Variants in C4orf33 observed in about 807,000 individuals in gnomAD.
C4orf33 encodes the protein chromosome 4 open reading frame 33, also known as UPF0462 protein C4orf33.
In C4orf33, 20 loss-of-function variants were observed where a neutral mutation model predicts 24.3. The ratio of observed to expected loss-of-function variants is 0.82; its 90% confidence interval spans 0.58 to 1.19. The LOEUF is 1.19. C4orf33 is among the 50% of genes most tolerant of loss of function. C4orf33 has a pLI of 0.00. For missense variants in C4orf33, 207 were observed against 225.9 expected, an observed-to-expected ratio of 0.92 and a Z score of 0.54; for synonymous variants, 67 against 76.4, an observed-to-expected ratio of 0.88 and a Z score of 0.64.
rs528943157 is a variant in C4orf33 at position 129,105,063 on chromosome 4, A to G, written c.182-1524A>G. ...ATGTATGTATGTACCTATCTATTTT[A>G]TATATATGGAGAGAAAGAGAGAGAT... On this transcript the variant is annotated intron_variant, in intron 2 of 5. Coordinates refer to ENST00000425929, the MANE Select transcript of C4orf33 (RefSeq NM_001099783.2). Among the ~76,000 whole-genome samples the G allele has an allele frequency of 7.9e-5, 12 of 152,074 alleles. 1 individual carries two copies. In the South Asian group the frequency reaches 2.5e-3, roughly 32 times the overall value.
chr4:129,111,555 A>G (rs1753690813), intron 5 of C4orf33, 131 bp from the exon 6 acceptor site: 1 of 546,838 alleles, frequency 1.8e-6, no homozygotes, highest in Non-Finnish European at 3.3e-6. Flanking sequence ...TATAAAATAT[A>G]TCTTACCTTT....
chr4:129,110,907 C>A (rs1364257494), intron 5 of C4orf33, among the ~76,000 whole-genome samples: 1 of 151,996 alleles, frequency 6.6e-6, no homozygotes, highest in East Asian at 1.9e-4. Flanking sequence ...ACTGACTTAT[C>A]CTGGCCAGGT....
At position 129,102,729 on chromosome 4, in the gene C4orf33, G is replaced by T. The variant is rs35199409; in HGVS notation, c.119G>T (p.Arg40Met). 77,834 of 1,613,834 alleles carry T rather than the reference G, an allele frequency of 0.048. 2,067 individuals are homozygous for T. The highest frequency in any genetic ancestry group is 0.095 in the African/African-American group (7,133 of 75,010). The part of the protein sequence containing the change: ...VMMDISAPFF[R>M]DPPAPLGEPG... ...ATGGACATTAGTGCTCCATTTTTCAGGGATCCTCCAGCCCCACTTGGAGAA... is the reference window on the plus strand; with the variant it reads ...ATGGACATTAGTGCTCCATTTTTCATGGATCCTCCAGCCCCACTTGGAGAA... Residue 40 changes from arginine (R) to methionine (M), a missense_variant, in exon 2 of 6, where the codon AGG (arginine) becomes ATG (methionine). Arg to Met is a moderately conservative substitution (Grantham distance 91). Transcript: ENST00000425929.
At chr4:129,105,973 G>C (rs973371256) in intron 2 of C4orf33, among the ~76,000 whole-genome samples, 2 of 152,116 alleles carry the variant, frequency 1.3e-5, no homozygotes, top group African/African-American at 4.8e-5. Flanking sequence ...TTAATGTCAT[G>C]CACATTTTGG....
chr4:129,110,576 G>T lies in C4orf33; in HGVS notation c.494+904G>T, dbSNP rs76931328. 1.1e-4 allele frequency among the ~76,000 whole-genome samples: 16 copies of T among 152,276 alleles called. No homozygotes were observed. The East Asian group carries it at 1.5e-3, about 15-fold the overall frequency. On this transcript the variant is annotated intron_variant, in intron 5 of 5. Coordinates refer to ENST00000425929, the MANE Select transcript of C4orf33 (RefSeq NM_001099783.2). ...GTCTCGTGAGTCTGGGCATTTGGAA[G>T]AACCTAACAGAAACATCCTAGTGAG...
intron 3 of C4orf33, among the ~76,000 whole-genome samples, chr4:129,108,275 TA>T (rs1187784174): frequency 1.3e-5 from 2 of 152,188 alleles, no homozygotes; most frequent in Admixed American, 1.3e-4. Flanking sequence ...TGTTTTAATA[TA>T]TAGGTTTTTC....
At chr4:129,109,849 C>T in intron 5 of C4orf33, 177 bp downstream of exon 5, 1 of 954,164 alleles carries the variant, frequency 1.0e-6, no homozygotes. Context: ...TTTGGACTGT[C>T]ATAATCTCTC....
At chr4:129,110,637 A>G (rs553664794) in intron 5 of C4orf33, among the ~76,000 whole-genome samples, 1 of 152,238 alleles carries the variant, frequency 6.6e-6, no homozygotes, top group African/African-American at 2.4e-5. Flanking sequence ...CCTGCCTTTT[A>G]ACCTGTGGAA....
chr4:129,109,952 T>C (rs1414170200), intron 5 of C4orf33: 9 of 1,185,640 alleles, frequency 7.6e-6, no homozygotes, highest in African/African-American at 1.6e-5. Context: ...ATAGCTGATA[T>C]AGAAGTATGG....
chr4:129,096,839 A>G (rs556696074), intron 1 of C4orf33, among the ~76,000 whole-genome samples: 2 of 152,196 alleles, frequency 1.3e-5, no homozygotes, highest in Non-Finnish European at 2.9e-5. Context: ...AACGTTCAGC[A>G]TATATAATAT....
chr4:129,106,679 C>T (rs766575993), intron 3 of C4orf33, 32 bp downstream of exon 3: 4 of 1,126,566 alleles, frequency 3.6e-6, no homozygotes, highest in Non-Finnish European at 5.2e-6. Flanking sequence ...TTACTTATTA[C>T]TACATAATTT....
rs560230863 is a variant in C4orf33 at position 129,109,812 on chromosome 4, A to G, written c.494+140A>G. 4.5e-6 allele frequency: 4 copies of G among 889,190 alleles called. No homozygotes were observed. The Admixed American group carries it at 8.7e-5, about 19-fold the overall frequency. 55.1% of individuals were successfully genotyped at this position (889,190 alleles called of 1,614,324 possible). On this transcript the variant is annotated intron_variant, in intron 5 of 5. Transcript: ENST00000425929. The stretch of plus-strand genomic sequence containing the variant: ...ATCTAGTAGAGTCCAATGTTCACTG[A>G]TGGTCCTCAGAAAATACTTGGAAAA...
intron 1 of C4orf33, among the ~76,000 whole-genome samples, chr4:129,100,027 A>G (rs1036108226): frequency 3.3e-5 from 5 of 152,148 alleles, no homozygotes; most frequent in Non-Finnish European, 4.4e-5. Context: ...GCCATGCACT[A>G]TTCCCTACTT....
rs445294 is a variant in C4orf33 at position 129,114,734 on chromosome 4, C to T, written c.*2943C>T. The T allele has an allele frequency of 0.72, 109,533 of 152,060 alleles. 41,414 individuals carry two copies. Among genetic ancestry groups the T allele is most frequent in the South Asian group, 0.89 (4,279 of 4,820 alleles). The allele number at this position is 152,060 out of a possible 1,614,324, so 9.4% of individuals were successfully genotyped here. On this transcript the variant is annotated 3_prime_UTR_variant, in exon 6 of 6. Coordinates refer to ENST00000425929, the MANE Select transcript of C4orf33 (RefSeq NM_001099783.2). ...AGACTGGCTTGAGGTGCAGCTGAGG[C>T]ACCTGAAGCTATGAAAGCCATCTAG...
intron 2 of C4orf33, among the ~76,000 whole-genome samples, chr4:129,105,069 A>G (rs1420762776): frequency 6.6e-6 from 1 of 152,016 alleles, no homozygotes; most frequent in Non-Finnish European, 1.5e-5. Flanking sequence ...TTTTATATAT[A>G]TGGAGAGAAA....
chr4:129,103,624 A>G (rs1281067549), intron 2 of C4orf33, among the ~76,000 whole-genome samples: 1 of 152,180 alleles, frequency 6.6e-6, no homozygotes, highest in East Asian at 1.9e-4. Context: ...TTAAGCTATC[A>G]GATTCATCTT....
At chr4:129,107,853 G>A (rs1279518744) in intron 3 of C4orf33, among the ~76,000 whole-genome samples, 1 of 151,788 alleles carries the variant, frequency 6.6e-6, no homozygotes, top group African/African-American at 2.4e-5. Flanking sequence ...TGATAATATT[G>A]GTTCATTTTC....
rs1561094917 is a variant in C4orf33, at chr4:129,115,811, T to TATATATAATATATATGTTTATATATAAC, written c.*4027_*4028insATATATATGTTTATATATAACATATATA. The stretch of plus-strand genomic sequence containing the variant: ...CAAATCTTCTAACTAAATATATATA[T>TATATATAATATATATGTTTATATATAAC]ATATATATATATATATATAAAATAT... On this transcript the variant is annotated 3_prime_UTR_variant, in exon 6 of 6. Coordinates refer to ENST00000425929, the MANE Select transcript of C4orf33 (RefSeq NM_001099783.2). 2 of 124,412 alleles carry TATATATAATATATATGTTTATATATAAC rather than the reference T, an allele frequency of 1.6e-5. No individual in the cohort carries two copies. The highest frequency in any genetic ancestry group is 3.4e-5 in the Non-Finnish European group (2 of 58,220). The allele number at this position is 124,412 out of a possible 1,614,324, so 7.7% of individuals were successfully genotyped here.
chr4:129,096,666 TA>T (rs1356240305), intron 1 of C4orf33, among the ~76,000 whole-genome samples: 1 of 152,212 alleles, frequency 6.6e-6, no homozygotes, highest in Non-Finnish European at 1.5e-5. Flanking sequence ...ATTGAAAATT[TA>T]TTTTTTTAAC....
Sources: gnomAD v4.1 joint callset for allele counts (sites outside exome capture counted in the v4.1 genomes callset) on GRCh38, gnomAD v4.1.1 for gene constraint, MANE v1.5 for transcripts, NCBI Gene and HGNC (gene_info 2026-07-23, HGNC 2026-07-21) for gene names.